Variants in MYO18B observed in about 807,000 individuals in gnomAD.
The protein encoded by MYO18B is myosin XVIIIB, also known as unconventional myosin-XVIIIb.
A neutral mutation model predicts 273.0 loss-of-function variants in MYO18B; 204 were observed. That is an observed-to-expected ratio of 0.75 (90% CI 0.67 to 0.84). MYO18B has a LOEUF of 0.84. MYO18B is among the 40% of genes least tolerant of loss of function. The pLI is 0.00. For synonymous variants in MYO18B, 1,330 were observed against 1,305.7 expected, an observed-to-expected ratio of 1.02 and a Z score of -0.40; for missense variants, 3,212 against 3,287.6, an observed-to-expected ratio of 0.98 and a Z score of 0.56.
Position 25,761,152 on chromosome 22 carries a change from G to T in MYO18B, c.39+21G>T, listed in dbSNP as rs560613988. 5.0e-5 allele frequency: 80 copies of T among 1,611,820 alleles called. 1 individual carries two copies. The Admixed American group carries it at 1.1e-3, about 22-fold the overall frequency. On this transcript the variant is annotated intron_variant, in intron 2 of 43. Transcript: ENST00000335473. ...AGAAGGAAAGTGACACTCATGGCTG[G>T]GGCTGCAGCCATCTGCAGGGACTGA...
chr22:25,902,680 AC>A lies in MYO18B; in HGVS notation c.4894del (p.Gln1632ArgfsTer10). The A allele has an allele frequency of 1.3e-6, 2 of 1,596,780 alleles. No homozygotes were observed. Among genetic ancestry groups the A allele is most frequent in the Non-Finnish European group, 1.7e-6 (2 of 1,171,448 alleles). ...TGAGAAGGGTCTCCGTGAGAAAGTG[AC>A]CCAGGAGAACACCAGTGTCCGGTGG... ...VFEKGLREKV[T>X]QENTSVRWEL... On this transcript the variant is annotated frameshift_variant, in exon 30 of 44. Coordinates refer to ENST00000335473, the MANE Select transcript of MYO18B (RefSeq NM_032608.7). LOFTEE classifies it high-confidence loss of function.
intron 1 of MYO18B, among the ~76,000 whole-genome samples, chr22:25,760,175 G>A (rs2086256924): frequency 6.6e-6 from 1 of 152,040 alleles, no homozygotes; most frequent in Admixed American, 6.6e-5. Context: ...CAGCACTTTG[G>A]GAGGCTGAAG....
chr22:25,930,038 T>G (rs967478284), intron 34 of MYO18B, among the ~76,000 whole-genome samples: 1 of 152,170 alleles, frequency 6.6e-6, no homozygotes, highest in African/African-American at 2.4e-5. Flanking sequence ...TTAGGATGGC[T>G]TGGTGTCCTC....
At chr22:25,891,269 C>A in intron 26 of MYO18B, 35 bp from the exon 27 acceptor site, 1 of 1,427,550 alleles carries the variant, frequency 7.0e-7, no homozygotes, top group Non-Finnish European at 9.7e-7. Context: ...GTCTTCTGTC[C>A]AGCTCTAGTT....
At chr22:25,767,924 A>G in intron 3 of MYO18B, among the ~76,000 whole-genome samples, 191 bp from the exon 4 acceptor site, 1 of 152,188 alleles carries the variant, frequency 6.6e-6, no homozygotes, top group East Asian at 1.9e-4. Context: ...TCCATCACTC[A>G]ACTTTGAGGG....
At chr22:25,955,132 C>T (rs1312704180) in intron 38 of MYO18B, 47 bp from the exon 39 acceptor site, 18 of 1,511,370 alleles carry the variant, frequency 1.2e-5, no homozygotes, top group East Asian at 2.4e-5. Flanking sequence ...TGTTTCATAC[C>T]CCTGGCCTCC....
At chr22:26,008,615 G>T (rs1275440238) in intron 42 of MYO18B, among the ~76,000 whole-genome samples, 1 of 152,232 alleles carries the variant, frequency 6.6e-6, no homozygotes, top group Non-Finnish European at 1.5e-5. Context: ...TGCTGCCGCT[G>T]ATAAGTGCAA....
Position 25,997,932 on chromosome 22 carries a change from A to AACACAC in MYO18B, c.6288-5313_6288-5308dup, listed in dbSNP as rs3070628. Among the ~76,000 whole-genome samples, 1,127 of 144,750 alleles carry AACACAC rather than the reference A, an allele frequency of 7.8e-3. 16 individuals are homozygous for AACACAC. Among genetic ancestry groups the AACACAC allele is most frequent in the African/African-American group, 0.026 (987 of 37,894 alleles). 95.0% of individuals were successfully genotyped at this position (144,750 alleles called of 152,430 possible). On this transcript the variant is annotated intron_variant, in intron 40 of 43. Transcript: ENST00000335473. ...AAATTCAAAGCCAACCCAGGAGAGA[A>AACACAC]ACACACACACACACACACACACACA...
chr22:25,817,517 A>G (rs1178968352), intron 12 of MYO18B, among the ~76,000 whole-genome samples: 1 of 147,902 alleles, frequency 6.8e-6, no homozygotes. Context: ...TGTTCTCTCA[A>G]TTCAAATCCC....
chr22:25,992,610 G>C, intron 40 of MYO18B, 117 bp downstream of exon 40: 1 of 1,359,902 alleles, frequency 7.4e-7, no homozygotes, highest in Non-Finnish European at 1.0e-6. Context: ...AGATGTTCGG[G>C]GGCTGGAGGC....
At chr22:25,974,474 T>C (rs930823413) in intron 39 of MYO18B, among the ~76,000 whole-genome samples, 10 of 152,322 alleles carry the variant, frequency 6.6e-5, no homozygotes, top group African/African-American at 2.4e-4. Flanking sequence ...TGCTACACAA[T>C]TTTAGAACTT....
At chr22:25,775,077 C>T (rs923343109) in intron 7 of MYO18B, among the ~76,000 whole-genome samples, 58 of 152,242 alleles carry the variant, frequency 3.8e-4, no homozygotes, top group African/African-American at 1.3e-3. Flanking sequence ...GGCAGTGGGC[C>T]TGAGCAGGCT....
chr22:25,768,901 G>A lies in MYO18B; in HGVS notation c.985G>A (p.Asp329Asn). 6.2e-7 allele frequency: 1 copy of A among 1,613,020 alleles called. No individual in the cohort carries two copies. Among genetic ancestry groups the A allele is most frequent in the Non-Finnish European group, 8.5e-7 (1 of 1,179,514 alleles). ...GGFLGRRSKW[D>N]GPQNKKDKEG... ...TTTCCTGGGAAGAAGGAGTAAGTGGGACGGTCCCCAGAATAAGAAGGACAA... is the reference window on the plus strand; with the variant it reads ...TTTCCTGGGAAGAAGGAGTAAGTGGAACGGTCCCCAGAATAAGAAGGACAA... The change falls in exon 4 of 44, where the codon GAC becomes AAC. Residue 329 changes from aspartate (D) to asparagine (N), a missense_variant. By Grantham distance (23) the Asp-to-Asn change is conservative (BLOSUM62 1). Coordinates refer to ENST00000335473, the MANE Select transcript of MYO18B (RefSeq NM_032608.7).
At chr22:25,898,683 TGA>T in intron 29 of MYO18B, 1 of 514,216 alleles carries the variant, frequency 1.9e-6, no homozygotes, top group Non-Finnish European at 3.4e-6. Context: ...TGTGGCCAAT[TGA>T]TCTTGTGACC....
At chr22:25,829,852 A>ATAC (rs1212462336) in intron 15 of MYO18B, among the ~76,000 whole-genome samples, 2 of 151,460 alleles carry the variant, frequency 1.3e-5, no homozygotes, top group African/African-American at 4.8e-5. Context: ...AATAATAATA[A>ATAC]TAATATAAAA....
chr22:25,993,985 C>T (rs1303000664), intron 40 of MYO18B, among the ~76,000 whole-genome samples: 3 of 152,100 alleles, frequency 2.0e-5, no homozygotes, highest in Non-Finnish European at 4.4e-5. Flanking sequence ...TCTACTAGTA[C>T]TCTCTTTAGG....
chr22:26,007,586 C>G (rs985480382), intron 42 of MYO18B, among the ~76,000 whole-genome samples: 1 of 152,160 alleles, frequency 6.6e-6, no homozygotes. Flanking sequence ...AGCACCAGAT[C>G]CTACGACATT....
intron 25 of MYO18B, 136 bp from the exon 26 acceptor site, chr22:25,890,620 C>CT (rs2091631806): frequency 1.5e-6 from 2 of 1,290,424 alleles, no homozygotes; most frequent in East Asian, 2.6e-5. Flanking sequence ...AGTCCATCCT[C>CT]TTAACGAGTT....
chr22:25,861,992 A>T (rs2090750755), intron 21 of MYO18B, among the ~76,000 whole-genome samples: 1 of 152,172 alleles, frequency 6.6e-6, no homozygotes, highest in Non-Finnish European at 1.5e-5. Flanking sequence ...GACTGAAAAT[A>T]TTTGGAAAAA....
Sources: allele counts gnomAD v4.1 joint callset (sites outside exome capture counted in the v4.1 genomes callset), GRCh38; gene constraint gnomAD v4.1.1; transcripts MANE v1.5; gene names NCBI Gene and HGNC (gene_info 2026-07-23, HGNC 2026-07-21).